HERC2: variants seen among roughly 807,000 people sequenced by gnomAD.
The protein encoded by HERC2 is HECT and RLD domain containing E3 ubiquitin protein ligase 2.
Under a neutral mutation model 537.7 loss-of-function variants are expected in HERC2, and 102 were observed. The observed-to-expected ratio is 0.19, with a 90% CI of 0.16 to 0.22. HERC2 has a LOEUF of 0.22. Among genes scored for constraint, HERC2 ranks in the 10% least tolerant of loss-of-function variants. The pLI is 1.00. For missense variants in HERC2, 4,236 were observed against 6,198.2 expected, an observed-to-expected ratio of 0.68 and a Z score of 10.63; for synonymous variants, 2,224 against 2,466.2, an observed-to-expected ratio of 0.90 and a Z score of 2.91.
At chr15:28,144,543 G>A (rs1891544644) in intron 72 of HERC2, 130 bp downstream of exon 72, 1 of 1,282,534 alleles carries the variant, frequency 7.8e-7, no homozygotes, top group Non-Finnish European at 1.1e-6. Flanking sequence ...GGGCCTGTGA[G>A]AGCACTCACT....
At chr15:28,258,328 C>T (rs1473281503) in intron 16 of HERC2, among the ~76,000 whole-genome samples, 1 of 151,980 alleles carries the variant, frequency 6.6e-6, no homozygotes, top group Non-Finnish European at 1.5e-5. Context: ...AAAAATTAGC[C>T]AAGCATGCTG....
In HERC2 at chr15:28,274,373, G is replaced by A. The variant is rs1320923256; in HGVS notation, c.718C>T (p.Leu240Phe). 2 of 1,614,172 alleles carry A rather than the reference G, an allele frequency of 1.2e-6. No homozygotes were observed. The highest frequency in any genetic ancestry group is 1.7e-6 in the Non-Finnish European group (2 of 1,180,008). ...DALRALPEAS[L>F]FDESTVSSVW... ...GAGGACACGGTGCTCTCGTCAAAGA[G>A]CGAGGCCTCGGGAAGTGCTCGCAGG... Residue 240 changes from leucine (L) to phenylalanine (F), a missense_variant, in exon 7 of 93, where the codon CTC (leucine) becomes TTC (phenylalanine). Physicochemically the swap from Leu to Phe is conservative, Grantham distance 22. Coordinates refer to ENST00000261609, the MANE Select transcript of HERC2 (RefSeq NM_004667.6).
chr15:28,166,766 G>A lies in HERC2; in HGVS notation c.10554+921C>T, dbSNP rs183029473. On this transcript the variant is annotated intron_variant, in intron 68 of 92. Transcript: ENST00000261609. ...CCAGTCCACGGGAGTCCCAGTGACC[G>A]AGTCCCAGTGACCAGTCCACGGGAG... Among the ~76,000 whole-genome samples, 13 of 152,050 alleles carry A rather than the reference G, an allele frequency of 8.5e-5. No homozygotes were observed. The East Asian group carries it at 2.3e-3, about 27-fold the overall frequency.
intron 4 of HERC2, among the ~76,000 whole-genome samples, chr15:28,288,347 G>C (rs1234422225): frequency 4.6e-5 from 7 of 150,732 alleles, no homozygotes; most frequent in African/African-American, 1.5e-4. Flanking sequence ...CCAACATGAC[G>C]AAACCATGTC....
rs550768216 is a variant in HERC2 at position 28,177,681 on chromosome 15, A to G, written c.9164-172T>C. On this transcript the variant is annotated intron_variant, in intron 59 of 92. Coordinates refer to ENST00000261609, the MANE Select transcript of HERC2 (RefSeq NM_004667.6). This position sits in a 1 kb window ranked among gnomAD's most constrained non-coding sequence, Gnocchi z 5.0. ...AGTTAGCAGGAAAGCTTCCTGGGAC[A>G]TATGTGCCAAATAGGTGAATTTTCA... 3.9e-5 allele frequency among the ~76,000 whole-genome samples: 6 copies of G among 152,380 alleles called. No individual in the cohort carries two copies. Among genetic ancestry groups the G allele is most frequent in the Admixed American group, 3.3e-4 (5 of 15,308 alleles).
Position 28,291,909 on chromosome 15 carries a change from GAAAAAAAAAAA to G in HERC2, c.322+968_322+978del, listed in dbSNP as rs67813649. Reference sequence around the variant, plus strand: ...GACAGAACAAGACTCCGTCTCAAAGGAAAAAAAAAAAAAAAAAAAAAAAAAAGAGGCAAAAG... The same window carrying G: ...GACAGAACAAGACTCCGTCTCAAAGGAAAAAAAAAAAAAAAGAGGCAAAAG... On this transcript the variant is annotated intron_variant, in intron 4 of 92. Transcript: ENST00000261609. 7.1e-3 allele frequency among the ~76,000 whole-genome samples: 270 copies of G among 37,974 alleles called. 3 individuals carry two copies. The highest frequency in any genetic ancestry group is 0.02 in the African/African-American group (202 of 9,916). The allele number at this position is 37,974 out of a possible 152,430, so 24.9% of individuals were successfully genotyped here.
chr15:28,130,051 G>C lies in HERC2; in HGVS notation c.12802+112C>G, dbSNP rs529060283. 3 of 1,329,846 alleles carry C rather than the reference G, an allele frequency of 2.3e-6. No individual in the cohort carries two copies. In the African/African-American group the frequency reaches 4.3e-5, roughly 19 times the overall value. 82.4% of individuals were successfully genotyped at this position (1,329,846 alleles called of 1,614,324 possible). On this transcript the variant is annotated intron_variant, in intron 83 of 92. Transcript: ENST00000261609. The stretch of plus-strand genomic sequence containing the variant: ...GCCTCCCAAAGTGCTGGGGCAACAG[G>C]AGTGAGCCACCACACCTGGCCTGTG...
intron 75 of HERC2, 37 bp from the exon 76 acceptor site, chr15:28,142,430 A>G (rs1891319892): frequency 1.3e-6 from 2 of 1,598,772 alleles, no homozygotes; most frequent in East Asian, 4.5e-5. Flanking sequence ...AGGGAAACTC[A>G]GAAATGCAGT....
intron 3 of HERC2, among the ~76,000 whole-genome samples, chr15:28,296,637 A>G (rs1486029410): frequency 1.3e-5 from 2 of 151,210 alleles, no homozygotes; most frequent in Non-Finnish European, 2.9e-5. Context: ...CTGGAGGGCT[A>G]GGAAGAAGAG....
intron 65 of HERC2, among the ~76,000 whole-genome samples, chr15:28,170,223 C>A (rs1485602534): frequency 6.6e-6 from 1 of 152,104 alleles, no homozygotes; most frequent in Non-Finnish European, 1.5e-5. Context: ...CATGGAAAGG[C>A]AAAGGAGCAA....
Position 28,256,195 on chromosome 15 carries a change from G to A in HERC2, c.2640C>T (p.Ser880=). The A allele has an allele frequency of 3.1e-6, 5 of 1,601,068 alleles. No homozygotes were observed. The highest frequency in any genetic ancestry group is 4.2e-6 in the Non-Finnish European group (5 of 1,179,836). Residue 880 remains serine (S), a synonymous_variant, in exon 18 of 93, where the codon AGC becomes AGT. Coordinates refer to ENST00000261609, the MANE Select transcript of HERC2 (RefSeq NM_004667.6). Reference sequence around the variant, plus strand: ...CGGCCTGGGCGGCCGACTGCACGGTGCTCAGCACGCCCGCACTGCTGGCCA... The same window carrying A: ...CGGCCTGGGCGGCCGACTGCACGGTACTCAGCACGCCCGCACTGCTGGCCA... ...VTLASSAGVL[S]TVQSAAQAVL...
chr15:28,147,552 C>T (rs1238619066), intron 70 of HERC2, among the ~76,000 whole-genome samples: 3 of 152,072 alleles, frequency 2.0e-5, no homozygotes, highest in Non-Finnish European at 2.9e-5. Flanking sequence ...GAAGGGGGAT[C>T]GCTTGAGCCC....
chr15:28,146,199 G>A, intron 71 of HERC2, 38 bp downstream of exon 71: 4 of 1,361,058 alleles, frequency 2.9e-6, no homozygotes, highest in Non-Finnish European at 4.2e-6. Context: ...GGAGACACAG[G>A]TGGGTAGATC....
At chr15:28,230,787 T>G (rs1386764689) in intron 30 of HERC2, among the ~76,000 whole-genome samples, 1 of 151,724 alleles carries the variant, frequency 6.6e-6, no homozygotes, top group Admixed American at 6.6e-5. Flanking sequence ...TTTCAGGCCA[T>G]GCAGTCTGTC....
intron 55 of HERC2, chr15:28,190,310 C>T (rs974460572): frequency 2.0e-5 from 3 of 151,910 alleles, no homozygotes; most frequent in Non-Finnish European, 4.4e-5. Context: ...TGAGCCACCG[C>T]GCCCGGCCAA....
chr15:28,256,884 C>T (rs185345698), intron 17 of HERC2, among the ~76,000 whole-genome samples, 177 bp downstream of exon 17: 12 of 152,286 alleles, frequency 7.9e-5, no homozygotes, highest in African/African-American at 1.2e-4. Flanking sequence ...CGTGAGCCAC[C>T]GCGCCCAGCC....
chr15:28,115,262 A>ATTTTTTTT (rs11375781), intron 89 of HERC2, 167 bp downstream of exon 89: 1 of 358,864 alleles, frequency 2.8e-6, no homozygotes, highest in Non-Finnish European at 4.9e-6. Flanking sequence ...TAGATGGTCT[A>ATTTTTTTT]TTTTTTTTTT....
Position 28,132,750 on chromosome 15 carries a change from G to C in HERC2, c.12311C>G (p.Ala4104Gly). ...VDVAAGGAHS[A>G]CVTAAGDLYT... ...GAGGTCCCCGGCTGCTGTGACACAG[G>C]CGCTGTGGGCTCCGCCAGCAGCAAC... Residue 4104 changes from alanine to glycine, a missense_variant, in exon 80 of 93, where the codon GCC becomes GGC. Around this residue, in one of 27 missense-constraint regions of HERC2, gnomAD observed 94 missense variants for 137.4 expected, o/e 0.68. Transcript: ENST00000261609. 6.2e-7 allele frequency: 1 copy of C among 1,607,988 alleles called. No homozygotes were observed. Among genetic ancestry groups the C allele is most frequent in the Non-Finnish European group, 8.5e-7 (1 of 1,177,346 alleles).
rs753683654 is a variant in HERC2 at position 28,115,390 on chromosome 15, A to T, written c.13722+39T>A. On this transcript the variant is annotated intron_variant, in intron 89 of 92. Coordinates refer to ENST00000261609, the MANE Select transcript of HERC2 (RefSeq NM_004667.6). ...CGCAGAACAGACTGTGCCTGTTAAC[A>T]AGACCCTAGAGGCCCCGCCTGCCGC... is the stretch of plus-strand genomic sequence containing the variant. 26 of 1,418,728 alleles carry T rather than the reference A, an allele frequency of 1.8e-5. 1 individual carries two copies. In the South Asian group the frequency reaches 3.0e-4, roughly 16 times the overall value. 87.9% of individuals were successfully genotyped at this position (1,418,728 alleles called of 1,614,324 possible).
Sources: allele counts gnomAD v4.1 joint callset (sites outside exome capture counted in the v4.1 genomes callset), GRCh38; gene constraint gnomAD v4.1.1; regional missense constraint gnomAD v4.1.1; non-coding constraint Gnocchi (gnomAD v3.1); transcripts MANE v1.5; gene names NCBI Gene and HGNC (gene_info 2026-07-23, HGNC 2026-07-21).